RAB3B: variants seen among roughly 807,000 people sequenced by gnomAD.
The protein encoded by RAB3B is RAB3B, member RAS oncogene family, also known as ras-related protein Rab-3B.
RAB3B carries 11 observed loss-of-function variants against 20.5 expected under a neutral mutation model. The observed-to-expected ratio is 0.54, with a 90% CI of 0.34 to 0.89. RAB3B has a LOEUF of 0.89. RAB3B is among the 40% of genes least tolerant of loss of function. RAB3B has a pLI of 0.02. For synonymous variants in RAB3B, 99 were observed against 106.3 expected (o/e 0.93, Z 0.42); for missense variants, 225 against 280.9 (o/e 0.80, Z 1.42).
intron 2 of RAB3B, among the ~76,000 whole-genome samples, chr1:51,958,231 A>G (rs979453772): frequency 3.9e-5 from 6 of 152,160 alleles, no homozygotes; most frequent in African/African-American, 1.4e-4. Flanking sequence ...ATGAGTCCCA[A>G]AAGCCTGCAT....
intron 2 of RAB3B, among the ~76,000 whole-genome samples, chr1:51,950,220 C>A (rs891850466): frequency 6.6e-6 from 1 of 152,326 alleles, no homozygotes; most frequent in Non-Finnish European, 1.5e-5. Context: ...CATCCAGAAC[C>A]AGCAGCAGTC....
intron 1 of RAB3B, among the ~76,000 whole-genome samples, chr1:51,983,991 G>A (rs1253890913): frequency 6.6e-6 from 1 of 151,772 alleles, no homozygotes; most frequent in East Asian, 1.9e-4. Flanking sequence ...AGGGCTGGGC[G>A]CGGTGGCTCA....
intron 1 of RAB3B, chr1:51,980,475 G>T: frequency 3.1e-6 from 2 of 653,036 alleles, no homozygotes; most frequent in South Asian, 1.5e-5. Context: ...CCTCCAAGAT[G>T]ACAAAGAAAA....
At position 51,911,534 on chromosome 1, in the gene RAB3B, G is replaced by T. The variant is rs1683998368; in HGVS notation, c.*8393C>A. The T allele has an allele frequency of 6.6e-6, 1 of 152,132 alleles. No individual in the cohort carries two copies. The highest frequency in any genetic ancestry group is 1.5e-5 in the Non-Finnish European group (1 of 68,024). The allele number at this position is 152,132 out of a possible 1,614,324, so 9.4% of individuals were successfully genotyped here. A position where few individuals can be genotyped will look rare whatever the true frequency, so the allele number is the denominator to read the frequency against. ...CCTAACTCCAACAAGCAAAGCAAAG[G>T]GGGGTTTTATTAGAAAGATACATTG... On this transcript the variant is annotated 3_prime_UTR_variant, in exon 5 of 5. Transcript: ENST00000371655.
Position 51,919,973 on chromosome 1 carries a change from C to T in RAB3B, c.614G>A (p.Arg205His), listed in dbSNP as rs367856145. Residue 205 changes from arginine to histidine, a missense_variant, in exon 5 of 5, where the codon CGT becomes CAT. Arg to His is a conservative substitution (Grantham distance 29). Transcript: ENST00000371655. The part of the protein sequence containing the change: ...PSMLGSSKNT[R>H]LSDTPPLLQQ... ...CAGCAGCGGTGGGGTGTCCGAGAGA[C>T]GCGTGTTCTTGGAGGAGCCCAGCAT... 9.9e-6 allele frequency: 16 copies of T among 1,613,876 alleles called. No individual in the cohort carries two copies. Among genetic ancestry groups the T allele is most frequent in the Middle Eastern group, 1.6e-4 (1 of 6,072 alleles).
At chr1:51,975,105 T>C (rs974923841) in intron 2 of RAB3B, among the ~76,000 whole-genome samples, 2 of 152,124 alleles carry the variant, frequency 1.3e-5, no homozygotes, top group African/African-American at 2.4e-5. Flanking sequence ...TTGAAGCTAC[T>C]TGGGGGGCTG....
chr1:51,986,236 C>A (rs183373710), intron 1 of RAB3B, among the ~76,000 whole-genome samples: 2 of 151,218 alleles, frequency 1.3e-5, no homozygotes, highest in Admixed American at 1.3e-4. Flanking sequence ...CTGCAAGCTC[C>A]GCCTCCCGGG....
At chr1:51,987,712 T>TA (rs1370654156) in intron 1 of RAB3B, among the ~76,000 whole-genome samples, 1 of 152,210 alleles carries the variant, frequency 6.6e-6, no homozygotes, top group African/African-American at 2.4e-5. Flanking sequence ...TCTAGAATAG[T>TA]ACAGTAATTT....
chr1:51,955,537 ATG>A, intron 2 of RAB3B, among the ~76,000 whole-genome samples: 1 of 152,120 alleles, frequency 6.6e-6, no homozygotes, highest in African/African-American at 2.4e-5. Context: ...GATTACAGGT[ATG>A]TGTCACCACA....
In RAB3B at chr1:51,920,133, C is replaced by G; in HGVS notation, c.473-19G>C. On this transcript the variant is annotated intron_variant, in intron 4 of 4. Transcript: ENST00000371655. ...TCAAACCCTGGAAAGAGGAGAGATA[C>G]AGATAAGGACTTTTCCCATCCCTTC... The G allele has an allele frequency of 6.3e-7, 1 of 1,588,344 alleles. No individual in the cohort carries two copies. Among genetic ancestry groups the G allele is most frequent in the Non-Finnish European group, 8.6e-7 (1 of 1,163,874 alleles).
chr1:51,954,934 A>G (rs928024868), intron 2 of RAB3B, among the ~76,000 whole-genome samples: 4 of 152,236 alleles, frequency 2.6e-5, no homozygotes, highest in Admixed American at 6.5e-5. Flanking sequence ...TGCCAGGTCA[A>G]GGTGCTTGGA....
At chr1:51,946,017 G>C (rs1417790784) in intron 2 of RAB3B, among the ~76,000 whole-genome samples, 1 of 152,086 alleles carries the variant, frequency 6.6e-6, no homozygotes, top group African/African-American at 2.4e-5. Context: ...CTTATAATAG[G>C]TATCCAAATA....
At chr1:51,969,667 T>C in intron 2 of RAB3B, among the ~76,000 whole-genome samples, 1 of 152,162 alleles carries the variant, frequency 6.6e-6, no homozygotes, top group East Asian at 1.9e-4. Flanking sequence ...CATCTATTTC[T>C]CAATGGGTTT....
At chr1:51,932,241 T>C (rs1684336849) in intron 4 of RAB3B, among the ~76,000 whole-genome samples, 1 of 152,192 alleles carries the variant, frequency 6.6e-6, no homozygotes, top group Non-Finnish European at 1.5e-5. Context: ...CTTCAGAAAC[T>C]GTCAGAGACT....
rs1385003397 is a variant in RAB3B, at chr1:51,965,242, AAAAG to A, written c.228+11644_228+11647del. Among the ~76,000 whole-genome samples, 101 of 152,200 alleles carry A rather than the reference AAAAG, an allele frequency of 6.6e-4. No homozygotes were observed. The Middle Eastern group carries it at 0.01, about 15-fold the overall frequency. ...CTCAAAAAAAAAAAAAGAAACGAAA[AAAAG>A]AAAGAAAGAAAGATGTAAGTCACTA... is the stretch of plus-strand genomic sequence containing the variant. On this transcript the variant is annotated intron_variant, in intron 2 of 4. Coordinates refer to ENST00000371655, the MANE Select transcript of RAB3B (RefSeq NM_002867.4).
intron 2 of RAB3B, among the ~76,000 whole-genome samples, chr1:51,967,479 A>G (rs868446290): frequency 2.1e-5 from 3 of 139,760 alleles, no homozygotes; most frequent in African/African-American, 5.1e-5. Context: ...AGGATGAGGG[A>G]ATTTATATCA....
intron 2 of RAB3B, among the ~76,000 whole-genome samples, chr1:51,965,605 C>T (rs1684840337): frequency 6.6e-6 from 1 of 151,406 alleles, no homozygotes; most frequent in Admixed American, 6.6e-5. Context: ...CGAGAATGTA[C>T]CACTGCACTC....
At chr1:51,939,799 A>G (rs1571963439) in intron 2 of RAB3B, among the ~76,000 whole-genome samples, 2 of 152,102 alleles carry the variant, frequency 1.3e-5, no homozygotes, top group Middle Eastern at 3.4e-3. Flanking sequence ...GGTCTGGAAC[A>G]CCTGAACTCA....
At position 51,908,978 on chromosome 1, in the gene RAB3B, T is replaced by C. The variant is rs1451900906; in HGVS notation, c.*10949A>G. The C allele has an allele frequency of 2.6e-5, 4 of 152,362 alleles. No homozygotes were observed. The highest frequency in any genetic ancestry group is 7.2e-5 in the African/African-American group (3 of 41,444). The allele number at this position is 152,362 out of a possible 1,614,324, so 9.4% of individuals were successfully genotyped here. A position where few individuals can be genotyped will look rare whatever the true frequency, so the allele number is the denominator to read the frequency against. ...TTTTGTTATAATATTTGAATCACGG[T>C]GCATACAAACTCTCCTGCCTGCTCC... On this transcript the variant is annotated 3_prime_UTR_variant, in exon 5 of 5. Coordinates refer to ENST00000371655, the MANE Select transcript of RAB3B (RefSeq NM_002867.4).
Sources: allele counts gnomAD v4.1 joint callset (sites outside exome capture counted in the v4.1 genomes callset), GRCh38; gene constraint gnomAD v4.1.1; transcripts MANE v1.5; gene names NCBI Gene and HGNC (gene_info 2026-07-23, HGNC 2026-07-21).